Variants in ZNF561 observed in about 807,000 individuals in gnomAD.
The protein encoded by ZNF561 is zinc finger protein 561.
ZNF561 carries 16 observed loss-of-function variants against 16.7 expected under a neutral mutation model. The observed-to-expected ratio is 0.96, with a 90% confidence interval of 0.65 to 1.45. The LOEUF is 1.45. ZNF561 is among the 40% of genes most tolerant of loss of function. The probability of loss-of-function intolerance (pLI) is 0.00; values close to 1 mark genes in which losing one functional copy is unlikely to be tolerated. For missense variants in ZNF561, 580 were observed against 578.0 expected, an observed-to-expected ratio of 1.00 and a Z score of -0.04; for synonymous variants, 190 against 192.1, an observed-to-expected ratio of 0.99 and a Z score of 0.09.
At chr19:9,620,639 T>C (rs765506794) in intron 1 of ZNF561, among the ~76,000 whole-genome samples, 15 of 152,190 alleles carry the variant, frequency 9.9e-5, no homozygotes, top group Non-Finnish European at 1.6e-4. Flanking sequence ...CCCCGCCATA[T>C]GACCAGAAGA....
At chr19:9,617,894 TACTGG>T (rs2074586671) in intron 3 of ZNF561, 192 bp downstream of exon 3, 1 of 608,796 alleles carries the variant, frequency 1.6e-6, no homozygotes, top group Non-Finnish European at 3.1e-6. Flanking sequence ...ATTACTGAGC[TACTGG>T]ACTGATTTTC....
chr19:9,618,255 C>T, intron 2 of ZNF561, 76 bp from the exon 3 acceptor site: 1 of 1,361,036 alleles, frequency 7.3e-7, no homozygotes, highest in Non-Finnish European at 1.0e-6. Flanking sequence ...GAAGTCATTC[C>T]ATCCTAGCTT....
At chr19:9,614,449 A>C (rs1599227443) in intron 4 of ZNF561, among the ~76,000 whole-genome samples, 1 of 152,146 alleles carries the variant, frequency 6.6e-6, no homozygotes, top group East Asian at 1.9e-4. Flanking sequence ...TCTCTACTAA[A>C]AATACAAAAT....
intron 1 of ZNF561, chr19:9,620,832 C>G (rs1009429179): frequency 2.0e-5 from 3 of 152,416 alleles, no homozygotes; most frequent in Middle Eastern, 3.4e-3. Context: ...CACCTAAGGT[C>G]AGGAGTTCAA....
chr19:9,615,843 GGC>G (rs2049964518), intron 4 of ZNF561, among the ~76,000 whole-genome samples: 2 of 151,910 alleles, frequency 1.3e-5, no homozygotes, highest in South Asian at 4.1e-4. Context: ...GAGCTGAGGT[GGC>G]ACCATTACAC....
At position 9,610,768 on chromosome 19, in the gene ZNF561, T is replaced by C; in HGVS notation, c.893A>G (p.Asp298Gly). The part of the protein sequence containing the change: ...RSFRNSSCLN[D>G]HIQIHTGIKP... ...TATTCCAGTGTGAATTTGAATGTGA[T>C]CATTAAGGCATGAGGAATTTCTAAA... is the stretch of plus-strand genomic sequence containing the variant. Residue 298 changes from aspartate (D) to glycine (G), a missense_variant, in exon 6 of 6, where the codon GAT (aspartate) becomes GGT (glycine). Coordinates refer to ENST00000302851, the MANE Select transcript of ZNF561 (RefSeq NM_152289.3). 1 of 1,614,200 alleles carries C rather than the reference T, an allele frequency of 6.2e-7. No homozygotes were observed. The highest frequency in any genetic ancestry group is 8.5e-7 in the Non-Finnish European group (1 of 1,180,030).
In ZNF561 at chr19:9,608,187, A is replaced by G. The variant is rs1358166322; in HGVS notation, c.*2013T>C. ...CGCCCGGCCTGAAAATAGGCTCTTT[A>G]GAAGTATCGTGAAATGATGTCAAGA... On this transcript the variant is annotated 3_prime_UTR_variant, in exon 6 of 6. Transcript: ENST00000302851. 1 of 144,284 alleles carries G rather than the reference A, an allele frequency of 6.9e-6. No individual in the cohort carries two copies. Among genetic ancestry groups the G allele is most frequent in the Non-Finnish European group, 1.5e-5 (1 of 65,572 alleles). 8.9% of individuals were successfully genotyped at this position (144,284 alleles called of 1,614,324 possible).
intron 3 of ZNF561, chr19:9,617,417 T>G: frequency 1.4e-6 from 1 of 719,886 alleles, no homozygotes; most frequent in Non-Finnish European, 1.8e-6. Flanking sequence ...CTATTTTTAA[T>G]TTTTTAATAT....
intron 2 of ZNF561, among the ~76,000 whole-genome samples, chr19:9,618,725 CAA>C (rs879286327): frequency 3.8e-5 from 5 of 131,248 alleles, no homozygotes; most frequent in Admixed American, 7.7e-5. Context: ...GACTCCGTCT[CAA>C]AAAAAAAAAA....
rs922027971 is a variant in ZNF561 at position 9,615,313 on chromosome 19, T to C, written c.242-1210A>G. Among the ~76,000 whole-genome samples the C allele has an allele frequency of 2.2e-4, 33 of 151,956 alleles. 1 individual carries two copies. The highest frequency in any genetic ancestry group is 8.0e-4 in the African/African-American group (33 of 41,380). On this transcript the variant is annotated intron_variant, in intron 4 of 5. Transcript: ENST00000302851. Reference sequence around the variant, plus strand: ...ACTTTTATTTCAGTAAGAAATAAAGTAGGCTGGGTGTGGTGGCTCATGCCT... The same window carrying C: ...ACTTTTATTTCAGTAAGAAATAAAGCAGGCTGGGTGTGGTGGCTCATGCCT...
chr19:9,619,578 C>A lies in ZNF561; in HGVS notation c.-122G>T. The A allele has an allele frequency of 4.7e-6, 4 of 850,102 alleles. No individual in the cohort carries two copies. The highest frequency in any genetic ancestry group is 5.4e-6 in the Non-Finnish European group (3 of 552,338). The allele number at this position is 850,102 out of a possible 1,614,324, so 52.7% of individuals were successfully genotyped here. Reference sequence around the variant, plus strand: ...ATTCCTCTTTGTACAGGGTTATTTGCGGTCCTGTTCATATCAATCATCAAA... The same window carrying A: ...ATTCCTCTTTGTACAGGGTTATTTGAGGTCCTGTTCATATCAATCATCAAA... On this transcript the variant is annotated 5_prime_UTR_variant, in exon 2 of 6. Coordinates refer to ENST00000302851, the MANE Select transcript of ZNF561 (RefSeq NM_152289.3).
Position 9,610,680 on chromosome 19 carries a change from A to G in ZNF561, c.981T>C (p.His327=), listed in dbSNP as rs751311114. Residue 327 remains histidine (H), a synonymous_variant, in exon 6 of 6, where the codon CAT becomes CAC. Coordinates refer to ENST00000302851, the MANE Select transcript of ZNF561 (RefSeq NM_152289.3). ...AFTRSTQLTE[H]VRTHTGIKPY... is the part of the protein sequence containing the mutation. ...GTTTTATTCCAGTGTGAGTTCTTACATGTTCAGTAAGTTGAGTTGATCTAG... is the reference window on the plus strand; with the variant it reads ...GTTTTATTCCAGTGTGAGTTCTTACGTGTTCAGTAAGTTGAGTTGATCTAG... 1.2e-6 allele frequency: 2 copies of G among 1,614,158 alleles called. No individual in the cohort carries two copies. The highest frequency in any genetic ancestry group is 2.2e-5 in the East Asian group (1 of 44,888).
chr19:9,616,786 G>T (rs559890090), intron 4 of ZNF561, among the ~76,000 whole-genome samples: 1 of 151,822 alleles, frequency 6.6e-6, no homozygotes, highest in South Asian at 2.1e-4. Context: ...AGTAGAGACG[G>T]GGTTTCACAG....
chr19:9,610,313 C>A lies in ZNF561; in HGVS notation c.1348G>T (p.Val450Leu). Residue 450 changes from valine (V) to leucine (L), a missense_variant, in exon 6 of 6, where the codon GTA (valine) becomes TTA (leucine). Val to Leu is a conservative substitution (Grantham distance 32, BLOSUM62 1). Transcript: ENST00000302851. ...LRTHTGEKPF[V>L]CKECGKAFAV... ...AATGCTTTCCCACATTCTTTACATA[C>A]GAAGGGTTTCTCTCCGGTATGAGTT... 1.9e-6 allele frequency: 3 copies of A among 1,614,102 alleles called. No individual in the cohort carries two copies. Among genetic ancestry groups the A allele is most frequent in the Middle Eastern group, 1.6e-4 (1 of 6,062 alleles).
chr19:9,619,921 C>CCCATCTATCTATCTATCTAT (rs2074636277), intron 1 of ZNF561, among the ~76,000 whole-genome samples: 1 of 116,142 alleles, frequency 8.6e-6, no homozygotes, highest in African/African-American at 2.8e-5. Context: ...CTATATCTAT[C>CCCATCTATCTATCTATCTAT]CTATCTATCT....
In ZNF561 at chr19:9,611,118, A is replaced by C. The variant is rs2074447114; in HGVS notation, c.543T>G (p.Thr181=). 1 of 1,613,960 alleles carries C rather than the reference A, an allele frequency of 6.2e-7. No homozygotes were observed. The highest frequency in any genetic ancestry group is 1.3e-5 in the African/African-American group (1 of 74,938). ...CTTCAAGATGTACAGCAAGACCTGG[A>C]GTTAGAGTAAAGACTTTTCCACATG... ...FNPCGKVFTL[T]PGLAVHLEVL... is the part of the protein sequence containing the mutation. The change falls in exon 6 of 6, where the codon ACT becomes ACG. Residue 181 remains threonine (T), a synonymous_variant. Transcript: ENST00000302851.
rs947301463 is a variant in ZNF561 at position 9,611,083 on chromosome 19, G to A, written c.578C>T (p.Ala193Val). ...TTCCTTACATTTGTAGGGTTGTCTT[G>A]CATTGAGAACTTCAAGATGTACAGC... is the stretch of plus-strand genomic sequence containing the variant. ...GLAVHLEVLN[A>V]RQPYKCKECG... Residue 193 changes from alanine to valine, a missense_variant, in exon 6 of 6, where the codon GCA (alanine) becomes GTA (valine). By Grantham distance (64) the Ala-to-Val change is moderately conservative. Transcript: ENST00000302851. 31 of 1,613,978 alleles carry A rather than the reference G, an allele frequency of 1.9e-5. No individual in the cohort carries two copies. The highest frequency in any genetic ancestry group is 2.6e-5 in the Non-Finnish European group (31 of 1,180,004).
At chr19:9,613,892 C>G (rs1305553022) in intron 5 of ZNF561, 129 bp downstream of exon 5, 1 of 1,095,136 alleles carries the variant, frequency 9.1e-7, no homozygotes, top group Non-Finnish European at 1.3e-6. Flanking sequence ...AATGAGACCC[C>G]CACTTCAGCC....
At chr19:9,611,416 T>C in intron 5 of ZNF561, 80 bp from the exon 6 acceptor site, 1 of 1,383,892 alleles carries the variant, frequency 7.2e-7, no homozygotes, top group Non-Finnish European at 9.7e-7. Flanking sequence ...AGAAGCATTT[T>C]GATGACAATT....
Sources: gnomAD v4.1 joint callset for allele counts (sites outside exome capture counted in the v4.1 genomes callset) on GRCh38, gnomAD v4.1.1 for gene constraint, MANE v1.5 for transcripts, NCBI Gene and HGNC (gene_info 2026-07-23, HGNC 2026-07-21) for gene names.